SLC34A1: variants seen among roughly 807,000 people sequenced by gnomAD.
SLC34A1 encodes sodium-dependent phosphate transport protein 2A.
Under a neutral mutation model 51.4 loss-of-function variants are expected in SLC34A1, and 57 were observed. The ratio of observed to expected loss-of-function variants is 1.11; its 90% CI spans 0.90 to 1.38. SLC34A1 has a LOEUF of 1.38. Among genes scored for constraint, SLC34A1 ranks in the 40% most tolerant of loss-of-function variants. SLC34A1 has a pLI of 0.00. For synonymous variants in SLC34A1, 368 were observed against 358.0 expected (o/e 1.03, Z -0.32); for missense variants, 796 against 835.6 (o/e 0.95, Z 0.58).
chr5:177,390,198 T>A, intron 8 of SLC34A1: 1 of 997,880 alleles, frequency 1.0e-6, no homozygotes, highest in Non-Finnish European at 1.2e-6. Flanking sequence ...AGGGAAGCTA[T>A]GCACCAGGGA....
At chr5:177,397,201 A>C in intron 12 of SLC34A1, 127 bp downstream of exon 12, 5 of 1,280,220 alleles carry the variant, frequency 3.9e-6, no homozygotes, top group Non-Finnish European at 5.4e-6. Context: ...AATATGCTCA[A>C]TGAAACCATT....
rs753903046 is a variant in SLC34A1, at chr5:177,387,994, G to A, written c.645G>A (p.Arg215=). The A allele has an allele frequency of 5.6e-6, 9 of 1,612,556 alleles. No homozygotes were observed. The highest frequency in any genetic ancestry group is 2.2e-5 in the East Asian group (1 of 44,856). The stretch of plus-strand genomic sequence containing the variant: ...CTTGCAATGTGGCCTCCCTGCCCAG[G>A]GCCTTCGCGGGGGCCACGGTGCATG... ...MQAGDRTDFR[R]AFAGATVHDC... The change falls in exon 7 of 13, where the codon CGG becomes CGA. Residue 215 remains arginine, a splice_region_variant and synonymous_variant. Transcript: ENST00000324417.
At chr5:177,391,923 G>C (rs916362372) in intron 8 of SLC34A1, among the ~76,000 whole-genome samples, 3 of 152,160 alleles carry the variant, frequency 2.0e-5, no homozygotes, top group Non-Finnish European at 4.4e-5. Flanking sequence ...CTGCCTAACA[G>C]CAAACACCTG....
intron 1 of SLC34A1, among the ~76,000 whole-genome samples, chr5:177,385,304 A>C (rs56766776): frequency 0.014 from 2,082 of 152,272 alleles, 66 homozygotes; most frequent in African/African-American, 0.047. Flanking sequence ...GGGCGTCCTC[A>C]GTTCTCAGTG....
Position 177,398,307 on chromosome 5 carries a change from C to T in SLC34A1, c.*21C>T. The T allele has an allele frequency of 6.3e-7, 1 of 1,599,108 alleles. No individual in the cohort carries two copies. The highest frequency in any genetic ancestry group is 8.5e-7 in the Non-Finnish European group (1 of 1,179,878). On this transcript the variant is annotated 3_prime_UTR_variant, in exon 13 of 13. Coordinates refer to ENST00000324417, the MANE Select transcript of SLC34A1 (RefSeq NM_003052.5). The surrounding 1 kb of genome is among the most constrained non-coding windows in gnomAD (Gnocchi z 4.7). ...TCTAGGCTGTGGGCCCAGACTACAG[C>T]CTGGAATGGGGAAGGCCTGGGGTGG... is the stretch of plus-strand genomic sequence containing the variant.
chr5:177,386,674 T>C lies in SLC34A1; in HGVS notation c.532+108T>C. 3 of 1,332,770 alleles carry C rather than the reference T, an allele frequency of 2.3e-6. No homozygotes were observed. Among genetic ancestry groups the C allele is most frequent in the Non-Finnish European group, 3.2e-6 (3 of 939,326 alleles). The allele number at this position is 1,332,770 out of a possible 1,614,324, so 82.6% of individuals were successfully genotyped here. ...CAGTAAGGCTGGCCTCCATTCAGCT[T>C]GACTCCTGTATCAGCCAGGGACATG... On this transcript the variant is annotated intron_variant, in intron 5 of 12. Transcript: ENST00000324417. This position sits in a 1 kb window ranked among gnomAD's most constrained non-coding sequence, Gnocchi z 4.8.
In SLC34A1 at chr5:177,388,741, C is replaced by T. The variant is rs1762691673; in HGVS notation, c.936+369C>T. On this transcript the variant is annotated intron_variant, in intron 8 of 12. Transcript: ENST00000324417. This position sits in a 1 kb window ranked among gnomAD's most constrained non-coding sequence, Gnocchi z 4.3. ...GGAGCGGGGCCAATGGCCTATGCTT[C>T]AGCAGTTCCTCTAGGTGTGCTCAGT... Among the ~76,000 whole-genome samples the T allele has an allele frequency of 6.6e-6, 1 of 152,178 alleles. No individual in the cohort carries two copies. Among genetic ancestry groups the T allele is most frequent in the African/African-American group, 2.4e-5 (1 of 41,428 alleles).
At chr5:177,392,614 T>A (rs1762842571) in intron 8 of SLC34A1, among the ~76,000 whole-genome samples, 1 of 152,172 alleles carries the variant, frequency 6.6e-6, no homozygotes, top group East Asian at 1.9e-4. Context: ...ATTGGGAGTT[T>A]GTTGCTTTCG....
chr5:177,387,107 AT>A (rs1446708025), intron 5 of SLC34A1, among the ~76,000 whole-genome samples: 3 of 152,090 alleles, frequency 2.0e-5, no homozygotes, highest in Non-Finnish European at 4.4e-5. Context: ...GCAGTGGCTC[AT>A]GCCTGTAATC....
At chr5:177,395,936 T>C (rs1215353356) in intron 10 of SLC34A1, among the ~76,000 whole-genome samples, 1 of 151,964 alleles carries the variant, frequency 6.6e-6, no homozygotes, top group Non-Finnish European at 1.5e-5. Context: ...GCCCAGCCTC[T>C]TCCTATTAAC....
chr5:177,393,732 C>T lies in SLC34A1; in HGVS notation c.975C>T (p.Ser325=). Residue 325 remains serine, a synonymous_variant, in exon 9 of 13, where the codon AGC becomes AGT. Transcript: ENST00000324417. ...TSMSRAEANS[S]QTLGNATMEK... ...TGTCCAGAGCAGAGGCCAACTCCAG[C>T]CAGACCCTTGGAAATGCCACCATGG... 1 of 1,614,212 alleles carries T rather than the reference C, an allele frequency of 6.2e-7. No homozygotes were observed. The highest frequency in any genetic ancestry group is 8.5e-7 in the Non-Finnish European group (1 of 1,180,044).
At chr5:177,385,871 C>T (rs763327359) in intron 2 of SLC34A1, 21 bp downstream of exon 2, 1 of 1,612,066 alleles carries the variant, frequency 6.2e-7, no homozygotes, top group African/African-American at 1.3e-5. Flanking sequence ...CTCCCACACC[C>T]TGGACCCTGG....
At position 177,394,312 on chromosome 5, in the gene SLC34A1, G is replaced by T. The variant is rs7711902; in HGVS notation, c.1174+117G>T. 10 of 1,167,066 alleles carry T rather than the reference G, an allele frequency of 8.6e-6. No individual in the cohort carries two copies. In the African/African-American group the frequency reaches 9.1e-5, roughly 11 times the overall value. The allele number at this position is 1,167,066 out of a possible 1,614,324, so 72.3% of individuals were successfully genotyped here. A position where few individuals can be genotyped will look rare whatever the true frequency, so the allele number is the denominator to read the frequency against. ...TACCATCTCTGAGACTCAGTTTCCC[G>T]ATGTGAACAAAGAAGGTGGTTTCTG... On this transcript the variant is annotated intron_variant, in intron 10 of 12. Transcript: ENST00000324417.
chr5:177,397,889 C>T lies in SLC34A1; in HGVS notation c.1523C>T (p.Thr508Met), dbSNP rs148272921. Residue 508 changes from threonine (T) to methionine (M), a missense_variant, in exon 13 of 13, where the codon ACG (threonine) becomes ATG (methionine). Transcript: ENST00000324417. ...IRMAKALGKR[T>M]AKYRWFAVLY... ...ATGGCCAAGGCGCTGGGGAAACGCA[C>T]GGCCAAGTACCGCTGGTTTGCCGTC... 27 of 1,613,836 alleles carry T rather than the reference C, an allele frequency of 1.7e-5. No homozygotes were observed. The highest frequency in any genetic ancestry group is 4.0e-5 in the African/African-American group (3 of 74,926).
In SLC34A1 at chr5:177,386,432, C is replaced by T. The variant is rs148976897; in HGVS notation, c.398C>T (p.Ala133Val). ...SAFQLAGGKVAGDIFKDNAIL... is the reference protein window; with the variant it reads ...SAFQLAGGKVVGDIFKDNAIL... ...GGCTCATGCTCCCCAGGGAAGGTGGCTGGTGACATCTTCAAGGATAACGCC... is the reference window on the plus strand; with the variant it reads ...GGCTCATGCTCCCCAGGGAAGGTGGTTGGTGACATCTTCAAGGATAACGCC... Residue 133 changes from alanine to valine, a missense_variant, in exon 5 of 13, where the codon GCT becomes GTT. Ala to Val is a moderately conservative substitution (Grantham distance 64). Coordinates refer to ENST00000324417, the MANE Select transcript of SLC34A1 (RefSeq NM_003052.5). This position sits in a 1 kb window ranked among gnomAD's most constrained non-coding sequence, Gnocchi z 4.8. 4.0e-3 allele frequency: 6,501 copies of T among 1,614,190 alleles called. 23 individuals are homozygous for T. The highest frequency in any genetic ancestry group is 5.0e-3 in the South Asian group (458 of 91,084).
intron 8 of SLC34A1, chr5:177,389,522 C>T (rs1272567280): frequency 1.5e-6 from 2 of 1,357,620 alleles, no homozygotes; most frequent in African/African-American, 1.5e-5. Context: ...AAAAAAACCC[C>T]TGCGGGCAGC....
rs1387888257 is a variant in SLC34A1 at position 177,392,180 on chromosome 5, T to C, written c.937-1514T>C. ...CCAGACGCCATAAAAGTTCTTACCT[T>C]GGCCAGCATGGTGGCTCACACCTGT... On this transcript the variant is annotated intron_variant, in intron 8 of 12. Transcript: ENST00000324417. Among the ~76,000 whole-genome samples, 4 of 152,176 alleles carry C rather than the reference T, an allele frequency of 2.6e-5. No individual in the cohort carries two copies. The East Asian group carries it at 7.7e-4, about 29-fold the overall frequency.
In SLC34A1 at chr5:177,388,418, C is replaced by G. The variant is rs779877735; in HGVS notation, c.936+46C>G. 1.4e-6 allele frequency: 2 copies of G among 1,472,526 alleles called. No individual in the cohort carries two copies. The highest frequency in any genetic ancestry group is 1.4e-5 in the African/African-American group (1 of 72,204). The allele number at this position is 1,472,526 out of a possible 1,614,324, so 91.2% of individuals were successfully genotyped here. On this transcript the variant is annotated intron_variant, in intron 8 of 12. Transcript: ENST00000324417. The surrounding 1 kb of genome is among the most constrained non-coding windows in gnomAD (Gnocchi z 4.3). ...CAGGTAAGAGGACTCCCTCTTCAGA[C>G]TCTTGGTTTCATTGTCTGTTCAAAA...
At chr5:177,389,555 CTT>C in intron 8 of SLC34A1, 2 of 1,522,036 alleles carry the variant, frequency 1.3e-6, no homozygotes, top group African/African-American at 2.7e-5. Context: ...TTCATGACCT[CTT>C]TAATACATCA....
Sources: allele counts gnomAD v4.1 joint callset (sites outside exome capture counted in the v4.1 genomes callset), GRCh38; gene constraint gnomAD v4.1.1; non-coding constraint Gnocchi (gnomAD v3.1); transcripts MANE v1.5; gene names NCBI Gene and HGNC (gene_info 2026-07-23, HGNC 2026-07-21).